KCNIP4: variants seen among roughly 807,000 people sequenced by gnomAD.
KCNIP4 encodes the protein Kv channel-interacting protein 4.
Under a neutral mutation model 34.0 loss-of-function variants are expected in KCNIP4, and 12 were observed. The observed-to-expected ratio is 0.35, with a 90% CI of 0.23 to 0.57. The LOEUF (loss-of-function observed/expected upper bound fraction) is 0.57. Among genes scored for constraint, KCNIP4 ranks in the 20% least tolerant of loss-of-function variants. The pLI is 0.83. For synonymous variants in KCNIP4, 124 were observed against 102.2 expected (o/e 1.21, Z -1.29); for missense variants, 238 against 311.7 (o/e 0.76, Z 1.78).
intron 3 of KCNIP4, among the ~76,000 whole-genome samples, chr4:20,759,384 C>T (rs1280917889): frequency 6.6e-6 from 1 of 152,138 alleles, no homozygotes; most frequent in East Asian, 1.9e-4. Flanking sequence ...AACAGGATGT[C>T]TAGGCATACC....
chr4:21,620,452 A>G (rs1744924794), intron 1 of KCNIP4, among the ~76,000 whole-genome samples: 1 of 152,138 alleles, frequency 6.6e-6, no homozygotes, highest in African/African-American at 2.4e-5. Flanking sequence ...CAGTGAGCCA[A>G]GATCACTCCT....
chr4:20,936,984 G>A, intron 1 of KCNIP4, among the ~76,000 whole-genome samples: 1 of 151,940 alleles, frequency 6.6e-6, no homozygotes, highest in Non-Finnish European at 1.5e-5. Context: ...TCTGTTGGCT[G>A]AAGGAAAAAA....
rs114710960 is a variant in KCNIP4, at chr4:21,344,665, C to T, written c.62-461956G>A. Among the ~76,000 whole-genome samples, 541 of 152,172 alleles carry T rather than the reference C, an allele frequency of 3.6e-3. 1 individual carries two copies. Among genetic ancestry groups the T allele is most frequent in the African/African-American group, 0.012 (504 of 41,518 alleles). On this transcript the variant is annotated intron_variant, in intron 1 of 8. Transcript: ENST00000382152. ...GCATATTCCCAGGTACTTTCAAGTA[C>T]GTTATCTTATTAAAGCATCACAAAA...
At chr4:20,776,950 G>T (rs541398746) in intron 3 of KCNIP4, among the ~76,000 whole-genome samples, 29 of 152,174 alleles carry the variant, frequency 1.9e-4, no homozygotes, top group South Asian at 8.3e-4. Context: ...ATCTTCTTTG[G>T]GGAAATGTTT....
At chr4:20,830,735 G>T (rs16870105) in intron 3 of KCNIP4, among the ~76,000 whole-genome samples, 41,863 of 152,044 alleles carry the variant, frequency 0.28, 5,949 homozygotes, top group South Asian at 0.44. Context: ...CTTCTTGAGG[G>T]AAAGAATCAC....
intron 1 of KCNIP4, among the ~76,000 whole-genome samples, chr4:21,440,975 GC>G (rs1239523727): frequency 6.6e-6 from 1 of 151,994 alleles, no homozygotes; most frequent in African/African-American, 2.4e-5. Context: ...TATGAAATAT[GC>G]AATCAGTACC....
At chr4:21,056,345 T>C (rs1743397631) in intron 1 of KCNIP4, among the ~76,000 whole-genome samples, 1 of 152,196 alleles carries the variant, frequency 6.6e-6, no homozygotes, top group South Asian at 2.1e-4. Context: ...CTCTTGACTG[T>C]TCTACTTCCT....
intron 1 of KCNIP4, among the ~76,000 whole-genome samples, chr4:20,986,409 T>G (rs1197338715): frequency 6.6e-6 from 1 of 152,150 alleles, no homozygotes; most frequent in African/African-American, 2.4e-5. Flanking sequence ...CAGGTTTTAG[T>G]AATTAGTAGG....
chr4:21,901,317 A>G (rs1376520634), intron 1 of KCNIP4, among the ~76,000 whole-genome samples: 1 of 152,224 alleles, frequency 6.6e-6, no homozygotes, highest in Non-Finnish European at 1.5e-5. Context: ...AGTTGGTTTT[A>G]CTATTGCTAT....
intron 1 of KCNIP4, among the ~76,000 whole-genome samples, chr4:21,487,273 G>T (rs1731999746): frequency 6.6e-6 from 1 of 152,194 alleles, no homozygotes; most frequent in Non-Finnish European, 1.5e-5. Flanking sequence ...GAGGAGTAAA[G>T]GTCAGGCATC....
At chr4:20,909,321 T>C (rs529806978) in intron 1 of KCNIP4, among the ~76,000 whole-genome samples, 1 of 152,208 alleles carries the variant, frequency 6.6e-6, no homozygotes, top group East Asian at 1.9e-4. Context: ...TGATGTTATA[T>C]GCAAGAAATG....
intron 1 of KCNIP4, among the ~76,000 whole-genome samples, chr4:21,319,702 T>A (rs575293546): frequency 2.3e-4 from 35 of 152,270 alleles, no homozygotes; most frequent in Middle Eastern, 3.4e-3. Context: ...CCTACACAGA[T>A]GCACACAAGA....
intron 1 of KCNIP4, among the ~76,000 whole-genome samples, chr4:21,388,183 C>CG (rs1722210574): frequency 6.7e-6 from 1 of 150,020 alleles, no homozygotes; most frequent in African/African-American, 2.5e-5. Flanking sequence ...TAAATTATAA[C>CG]GGATTACCAT....
At chr4:21,234,483 TA>T (rs1759186067) in intron 1 of KCNIP4, among the ~76,000 whole-genome samples, 1 of 105,636 alleles carries the variant, frequency 9.5e-6, no homozygotes. Context: ...ATAGTACATA[TA>T]ACGTATATAA....
At chr4:20,841,828 A>G (rs982586001) in intron 3 of KCNIP4, among the ~76,000 whole-genome samples, 1 of 132,444 alleles carries the variant, frequency 7.6e-6, no homozygotes, top group Admixed American at 7.4e-5. Flanking sequence ...AATAAAATAC[A>G]AATGACGTTC....
At chr4:21,038,878 C>A (rs1741693487) in intron 1 of KCNIP4, among the ~76,000 whole-genome samples, 1 of 151,604 alleles carries the variant, frequency 6.6e-6, no homozygotes, top group South Asian at 2.1e-4. Flanking sequence ...AATCTAAACT[C>A]AGTGTTCCAG....
chr4:21,046,679 C>T (rs1351593271), intron 1 of KCNIP4, among the ~76,000 whole-genome samples: 1 of 151,986 alleles, frequency 6.6e-6, no homozygotes, highest in Non-Finnish European at 1.5e-5. Context: ...ACAATCTCTG[C>T]CTCCTAGGTT....
At chr4:21,019,987 C>T (rs1466992484) in intron 1 of KCNIP4, among the ~76,000 whole-genome samples, 2 of 152,082 alleles carry the variant, frequency 1.3e-5, no homozygotes, top group Non-Finnish European at 2.9e-5. Flanking sequence ...TTAAGAGGCA[C>T]ATTTGGCCTG....
intron 1 of KCNIP4, among the ~76,000 whole-genome samples, chr4:21,531,356 C>CCTCCCTCT (rs1308146301): frequency 4.0e-5 from 5 of 124,872 alleles, no homozygotes; most frequent in Non-Finnish European, 8.5e-5. Context: ...CCCCTCCCTC[C>CCTCCCTCT]CTCCCTCCCT....
Sources: gnomAD v4.1 joint callset for allele counts (sites outside exome capture counted in the v4.1 genomes callset) on GRCh38, gnomAD v4.1.1 for gene constraint, MANE v1.5 for transcripts, NCBI Gene and HGNC (gene_info 2026-07-23, HGNC 2026-07-21) for gene names.